The following MCC variants were observed in gnomAD, a reference collection of about 807,000 sequenced individuals.
The protein encoded by MCC is colorectal mutant cancer protein.
Under a neutral mutation model 116.2 loss-of-function variants are expected in MCC, and 90 were observed. The ratio of observed to expected loss-of-function variants is 0.77; its 90% confidence interval spans 0.65 to 0.92. MCC has a LOEUF of 0.92. Ranked by LOEUF, MCC falls within the 40% of genes least tolerant of loss-of-function variation. MCC has a pLI of 0.00. For missense variants in MCC, 1,516 were observed against 1,312.2 expected, an observed-to-expected ratio of 1.16 and a Z score of -2.40; for synonymous variants, 578 against 510.5, an observed-to-expected ratio of 1.13 and a Z score of -1.78.
At chr5:113,467,433 A>T (rs538529407) in intron 1 of MCC, among the ~76,000 whole-genome samples, 319 of 152,318 alleles carry the variant, frequency 2.1e-3, no homozygotes, top group African/African-American at 7.3e-3. Context: ...ACCATTTATT[A>T]AATAGGGAAT....
intron 1 of MCC, among the ~76,000 whole-genome samples, chr5:113,430,600 T>C (rs1006493370): frequency 6.6e-6 from 1 of 152,196 alleles, no homozygotes; most frequent in African/African-American, 2.4e-5. Flanking sequence ...GGGTGAGGAT[T>C]TGAAATGTTC....
intron 13 of MCC, among the ~76,000 whole-genome samples, chr5:113,065,163 C>G (rs147706958): frequency 6.6e-6 from 1 of 152,204 alleles, no homozygotes; most frequent in East Asian, 1.9e-4. Flanking sequence ...ATGTACAGCA[C>G]CAAGAATGAA....
intron 1 of MCC, among the ~76,000 whole-genome samples, chr5:113,482,898 T>G (rs1376194942): frequency 6.6e-6 from 1 of 152,172 alleles, no homozygotes; most frequent in Non-Finnish European, 1.5e-5. Context: ...TACATTTAAG[T>G]TTTTGATACA....
At chr5:113,257,927 G>C (rs1307271541) in intron 3 of MCC, among the ~76,000 whole-genome samples, 1 of 152,176 alleles carries the variant, frequency 6.6e-6, no homozygotes, top group Non-Finnish European at 1.5e-5. Flanking sequence ...TGGATAGATG[G>C]TAGCAGTGCA....
chr5:113,452,116 C>A (rs6890874), intron 1 of MCC, among the ~76,000 whole-genome samples: 19,198 of 152,178 alleles, frequency 0.13, 1,446 homozygotes, highest in Non-Finnish European at 0.18. Flanking sequence ...ACTGGGGCTT[C>A]CAAGAGGGTG....
chr5:113,457,526 G>A (rs567825817), intron 1 of MCC, among the ~76,000 whole-genome samples: 4 of 152,332 alleles, frequency 2.6e-5, no homozygotes, highest in Non-Finnish European at 5.9e-5. Flanking sequence ...GCTGAGGAGT[G>A]CGAGCGCATG....
intron 13 of MCC, among the ~76,000 whole-genome samples, chr5:113,066,763 G>C (rs1228539935): frequency 6.6e-6 from 1 of 152,292 alleles, no homozygotes; most frequent in Non-Finnish European, 1.5e-5. Context: ...TTCTTTGAAG[G>C]GTGTGTCCTG....
chr5:113,192,539 T>C (rs76824585), intron 3 of MCC, among the ~76,000 whole-genome samples: 6,939 of 152,350 alleles, frequency 0.046, 250 homozygotes, highest in African/African-American at 0.092. Flanking sequence ...AAGACACACA[T>C]GCATGGGCTT....
intron 1 of MCC, among the ~76,000 whole-genome samples, chr5:113,452,487 A>T (rs988982421): frequency 2.0e-5 from 3 of 152,200 alleles, no homozygotes; most frequent in Non-Finnish European, 4.4e-5. Context: ...CTTCTACCAT[A>T]TGAAGAGAGT....
chr5:113,405,527 G>A (rs1000586660), intron 1 of MCC, among the ~76,000 whole-genome samples: 3 of 152,156 alleles, frequency 2.0e-5, no homozygotes, highest in African/African-American at 7.2e-5. Flanking sequence ...GGTGGCTTAT[G>A]CCTGTAATCC....
intron 1 of MCC, chr5:113,432,706 T>C (rs1272377056): frequency 2.0e-5 from 3 of 152,236 alleles, no homozygotes; most frequent in Non-Finnish European, 4.4e-5. Flanking sequence ...CAGTATTAGC[T>C]GATTCGTTTG....
At chr5:113,340,367 C>T (rs1017021438) in intron 3 of MCC, 152 bp downstream of exon 3, 11 of 721,454 alleles carry the variant, frequency 1.5e-5, no homozygotes, top group Non-Finnish European at 2.0e-5. Context: ...CTTTGGAACA[C>T]TAAACATTAC....
intron 11 of MCC, among the ~76,000 whole-genome samples, chr5:113,081,015 T>C (rs776571347): frequency 2.0e-4 from 30 of 152,188 alleles, no homozygotes; most frequent in Non-Finnish European, 3.8e-4. Flanking sequence ...GCCTAGCATA[T>C]AGCAGATGCT....
chr5:113,387,253 T>C (rs1769283086), intron 1 of MCC, among the ~76,000 whole-genome samples: 1 of 152,230 alleles, frequency 6.6e-6, no homozygotes, highest in Non-Finnish European at 1.5e-5. Flanking sequence ...TTATTGTTCA[T>C]GCAAATTAAA....
Position 113,026,226 on chromosome 5 carries a change from A to C in MCC, c.*1076T>G, listed in dbSNP as rs967363724. ...AAGAAGCCTTAACTACCATTCCCTC[A>C]CTCTGTCCCCGTCATGACAACAGGA... On this transcript the variant is annotated 3_prime_UTR_variant, in exon 19 of 19. Transcript: ENST00000408903. The C allele has an allele frequency of 6.6e-6, 1 of 151,974 alleles. No individual in the cohort carries two copies. Among genetic ancestry groups the C allele is most frequent in the African/African-American group, 2.4e-5 (1 of 41,370 alleles). The allele number at this position is 151,974 out of a possible 1,614,324, so 9.4% of individuals were successfully genotyped here.
intron 3 of MCC, chr5:113,294,528 C>T (rs549389078): frequency 2.7e-6 from 4 of 1,463,694 alleles, no homozygotes; most frequent in Admixed American, 4.6e-5. Context: ...AGTTGCGAAG[C>T]GCAAACGGAG....
At chr5:113,262,399 T>C (rs1765250954) in intron 3 of MCC, among the ~76,000 whole-genome samples, 1 of 152,164 alleles carries the variant, frequency 6.6e-6, no homozygotes, top group African/African-American at 2.4e-5. Context: ...ATTATTTATA[T>C]GTAAGCCACC....
intron 3 of MCC, among the ~76,000 whole-genome samples, chr5:113,239,781 G>T (rs953472974): frequency 2.0e-5 from 3 of 152,118 alleles, no homozygotes; most frequent in African/African-American, 7.2e-5. Context: ...TCATTTGTCA[G>T]ATTTCCCACG....
Position 113,434,304 on chromosome 5 carries a change from G to C in MCC, c.171-49092C>G. ...CAGCACCTCTGGGGCCGCATACGCT[G>C]GTGACCCACAGAAGGTCTTGCTTAA... On this transcript the variant is annotated intron_variant, in intron 1 of 18. Transcript: ENST00000408903. This position sits in a 1 kb window ranked among gnomAD's most constrained non-coding sequence, Gnocchi z 4.2. 6.2e-7 allele frequency: 1 copy of C among 1,614,098 alleles called. No individual in the cohort carries two copies.
Sources: allele counts gnomAD v4.1 joint callset (sites outside exome capture counted in the v4.1 genomes callset), GRCh38; gene constraint gnomAD v4.1.1; non-coding constraint Gnocchi (gnomAD v3.1); transcripts MANE v1.5; gene names NCBI Gene and HGNC (gene_info 2026-07-23, HGNC 2026-07-21).